Variants in ITGB1 observed in about 807,000 individuals in gnomAD.
The protein encoded by ITGB1 is integrin beta-1.
In ITGB1, 24 loss-of-function variants were observed where a neutral mutation model predicts 86.5. The observed-to-expected ratio is 0.28, with a 90% CI of 0.20 to 0.39. The LOEUF is 0.39. ITGB1 is among the 10% of genes least tolerant of loss of function. The pLI is 1.00. For missense variants in ITGB1, 556 were observed against 946.9 expected (o/e 0.59, Z 5.42); for synonymous variants, 323 against 316.8 (o/e 1.02, Z -0.21).
In ITGB1 at chr10:32,928,142, T is replaced by A; in HGVS notation, c.499A>T (p.Thr167Ser). The change falls in exon 5 of 16, where the codon ACA becomes TCA. Residue 167 changes from threonine to serine, a missense_variant. Around this residue, in one of 4 missense-constraint regions of ITGB1, gnomAD observed 183 missense variants for 263.9 expected, o/e 0.69. Transcript: ENST00000302278. ...CTCCTCATTTCATTCATCAGATCTGTTCCAAGACTTTTTACATTCTCCAAA... is the reference window on the plus strand; with the variant it reads ...CTCCTCATTTCATTCATCAGATCTGATCCAAGACTTTTTACATTCTCCAAA... ...DDLENVKSLG[T>S]DLMNEMRRIT... 6.3e-7 allele frequency: 1 copy of A among 1,577,324 alleles called. No individual in the cohort carries two copies. The highest frequency in any genetic ancestry group is 8.7e-7 in the Non-Finnish European group (1 of 1,146,724).
At chr10:32,949,072 G>T (rs1449559248) in intron 1 of ITGB1, among the ~76,000 whole-genome samples, 1 of 151,080 alleles carries the variant, frequency 6.6e-6, no homozygotes, top group African/African-American at 2.4e-5. Context: ...AAAGTAATTT[G>T]TAACAAAAAG....
At chr10:32,919,560 T>C (rs1405476584) in intron 11 of ITGB1, among the ~76,000 whole-genome samples, 2 of 152,208 alleles carry the variant, frequency 1.3e-5, no homozygotes, top group Non-Finnish European at 2.9e-5. Flanking sequence ...ATAAACGTTA[T>C]TTTACACAAG....
chr10:32,920,330 A>G lies in ITGB1; in HGVS notation c.1184T>C (p.Ile395Thr). Residue 395 changes from isoleucine (I) to threonine (T), a missense_variant, in exon 10 of 16, where the codon ATA (isoleucine) becomes ACA (threonine). Ile to Thr is a moderately conservative substitution (Grantham distance 89, BLOSUM62 -1). Around this residue, in one of 4 missense-constraint regions of ITGB1, gnomAD observed 330 missense variants for 531.5 expected, o/e 0.62. Coordinates refer to ENST00000302278, the MANE Select transcript of ITGB1 (RefSeq NM_002211.4). ...GTTCTTGCAGTAAGATTTGTAACTT[A>G]TTGTTACGCCTTCTGACAATTTGCC... ...ENGKLSEGVT[I>T]SYKSYCKNGV... 1 of 1,612,538 alleles carries G rather than the reference A, an allele frequency of 6.2e-7. No homozygotes were observed. Among genetic ancestry groups the G allele is most frequent in the Non-Finnish European group, 8.5e-7 (1 of 1,178,688 alleles).
At chr10:32,923,978 T>G (rs2094957565) in intron 6 of ITGB1, among the ~76,000 whole-genome samples, 1 of 152,182 alleles carries the variant, frequency 6.6e-6, no homozygotes, top group Non-Finnish European at 1.5e-5. Flanking sequence ...ATCTCTCAGT[T>G]CTTTTTAAAA....
At chr10:32,945,341 T>C (rs2095028767) in intron 1 of ITGB1, among the ~76,000 whole-genome samples, 1 of 152,194 alleles carries the variant, frequency 6.6e-6, no homozygotes, top group Non-Finnish European at 1.5e-5. Context: ...GGCTCATGCC[T>C]GTAATCCCAG....
intron 1 of ITGB1, chr10:32,944,529 G>A: frequency 4.7e-6 from 2 of 429,180 alleles, no homozygotes; most frequent in Non-Finnish European, 4.6e-6. Context: ...ATGCTGCGGG[G>A]CACAGAAATT....
chr10:32,955,401 G>A (rs2095050394), intron 1 of ITGB1, among the ~76,000 whole-genome samples: 1 of 152,190 alleles, frequency 6.6e-6, no homozygotes, highest in Non-Finnish European at 1.5e-5. Flanking sequence ...CATGCAGCTT[G>A]TTACATATTC....
Position 32,928,129 on chromosome 10 carries a change from T to A in ITGB1, c.512A>T (p.Asn171Ile). The A allele has an allele frequency of 6.3e-7, 1 of 1,597,842 alleles. No individual in the cohort carries two copies. The highest frequency in any genetic ancestry group is 1.7e-4 in the Middle Eastern group (1 of 5,994). ...GTCCGAAGTAATCCTCCTCATTTCATTCATCAGATCTGTTCCAAGACTTTT... is the reference window on the plus strand; with the variant it reads ...GTCCGAAGTAATCCTCCTCATTTCAATCATCAGATCTGTTCCAAGACTTTT... ...NVKSLGTDLM[N>I]EMRRITSDFR... Residue 171 changes from asparagine (N) to isoleucine (I), a missense_variant, in exon 5 of 16, where the codon AAT (asparagine) becomes ATT (isoleucine). Asn to Ile is a moderately radical substitution (Grantham distance 149). This residue lies in a region of ITGB1 where 183 missense variants were observed against 263.9 expected (regional missense o/e 0.69). Transcript: ENST00000302278.
At chr10:32,932,630 TTA>T in intron 2 of ITGB1, 30 bp from the exon 3 acceptor site, 1 of 1,194,468 alleles carries the variant, frequency 8.4e-7, no homozygotes, top group Middle Eastern at 1.9e-4. Flanking sequence ...ACAGAACATT[TTA>T]TGTGAAGTGT....
intron 11 of ITGB1, among the ~76,000 whole-genome samples, chr10:32,914,219 T>C (rs2094924221): frequency 6.6e-6 from 1 of 152,112 alleles, no homozygotes; most frequent in South Asian, 2.1e-4. Context: ...CATGCCAAAT[T>C]GTAAAGACCA....
intron 1 of ITGB1, among the ~76,000 whole-genome samples, chr10:32,938,722 G>T (rs1433133983): frequency 6.6e-6 from 1 of 152,220 alleles, no homozygotes; most frequent in Non-Finnish European, 1.5e-5. Context: ...ACTGGCGACT[G>T]GCGGGGCACT....
intron 1 of ITGB1, among the ~76,000 whole-genome samples, chr10:32,946,205 A>G (rs2095030976): frequency 6.6e-6 from 1 of 152,252 alleles, no homozygotes; most frequent in Non-Finnish European, 1.5e-5. Context: ...ATAAAAGAGA[A>G]AACCTATGGA....
At chr10:32,927,006 G>A (rs1054601614) in intron 5 of ITGB1, among the ~76,000 whole-genome samples, 1 of 152,010 alleles carries the variant, frequency 6.6e-6, no homozygotes, top group Non-Finnish European at 1.5e-5. Flanking sequence ...TTTTTATTTT[G>A]CCTCCCTACT....
chr10:32,905,685 C>A (rs2094894220), intron 15 of ITGB1, among the ~76,000 whole-genome samples: 1 of 152,198 alleles, frequency 6.6e-6, no homozygotes, highest in South Asian at 2.1e-4. Context: ...TCTCAGTTTT[C>A]TCATATGTAA....
intron 15 of ITGB1, among the ~76,000 whole-genome samples, chr10:32,904,782 A>C (rs1443723153): frequency 6.6e-6 from 1 of 152,238 alleles, no homozygotes; most frequent in Admixed American, 6.5e-5. Context: ...TCAATAATGC[A>C]TAGAGAAATT....
intron 15 of ITGB1, among the ~76,000 whole-genome samples, chr10:32,903,351 CAAAAAA>C (rs35559257): frequency 4.0e-4 from 23 of 57,030 alleles, no homozygotes; most frequent in South Asian, 4.0e-3. Flanking sequence ...GACTCCATCT[CAAAAAA>C]AAAAAAAAAA....
intron 3 of ITGB1, among the ~76,000 whole-genome samples, chr10:32,931,837 C>A (rs914358316): frequency 6.6e-6 from 1 of 152,104 alleles, no homozygotes; most frequent in Non-Finnish European, 1.5e-5. Flanking sequence ...ATGACTTCTC[C>A]TTACCTTCTC....
chr10:32,935,108 T>C (rs1450766332), intron 2 of ITGB1, among the ~76,000 whole-genome samples: 1 of 152,232 alleles, frequency 6.6e-6, no homozygotes, highest in Non-Finnish European at 1.5e-5. Context: ...GAGAATGTCT[T>C]CTAGAAAGTC....
chr10:32,917,700 G>A (rs567387401), intron 11 of ITGB1, among the ~76,000 whole-genome samples: 1 of 152,314 alleles, frequency 6.6e-6, no homozygotes, highest in South Asian at 2.1e-4. Flanking sequence ...AACAACAGGT[G>A]CTGGAGAGGA....
Sources: allele counts gnomAD v4.1 joint callset (sites outside exome capture counted in the v4.1 genomes callset), GRCh38; gene constraint gnomAD v4.1.1; regional missense constraint gnomAD v4.1.1; transcripts MANE v1.5; gene names NCBI Gene and HGNC (gene_info 2026-07-23, HGNC 2026-07-21).